Variants in BCAR3 observed in about 807,000 individuals in gnomAD.
The protein encoded by BCAR3 is breast cancer anti-estrogen resistance protein 3.
Under a neutral mutation model 80.1 loss-of-function variants are expected in BCAR3, and 37 were observed. That is an observed-to-expected ratio of 0.46 (90% CI 0.36 to 0.61). The LOEUF (loss-of-function observed/expected upper bound fraction) is 0.61. Ranked by LOEUF, BCAR3 falls within the 20% of genes least tolerant of loss-of-function variation. BCAR3 has a pLI of 0.00. For synonymous variants in BCAR3, 389 were observed against 418.9 expected, an observed-to-expected ratio of 0.93 and a Z score of 0.87; for missense variants, 978 against 1,068.2, an observed-to-expected ratio of 0.92 and a Z score of 1.18.
chr1:93,619,907 G>A (rs1432710752), intron 3 of BCAR3, among the ~76,000 whole-genome samples: 2 of 152,224 alleles, frequency 1.3e-5, no homozygotes, highest in African/African-American at 4.8e-5. Flanking sequence ...CTAGCTAGCT[G>A]GGTGACTTTG....
chr1:93,819,974 T>G (rs1443925167), intron 2 of BCAR3, among the ~76,000 whole-genome samples: 2 of 152,192 alleles, frequency 1.3e-5, no homozygotes, highest in Non-Finnish European at 2.9e-5. Flanking sequence ...TGTGTCCATG[T>G]GTACTCAATG....
chr1:93,680,904 T>G (rs1176242077), intron 1 of BCAR3, among the ~76,000 whole-genome samples: 1 of 152,118 alleles, frequency 6.6e-6, no homozygotes, highest in African/African-American at 2.4e-5. Flanking sequence ...GTAAGGACAG[T>G]TGGGCTGTAC....
chr1:93,826,603 C>T (rs557390654), intron 2 of BCAR3, among the ~76,000 whole-genome samples: 20 of 152,268 alleles, frequency 1.3e-4, no homozygotes, highest in African/African-American at 4.6e-4. Context: ...AGGTAGTTTA[C>T]ATTCCAGTGA....
chr1:93,717,332 ATTG>A (rs1485722755), intron 2 of BCAR3, among the ~76,000 whole-genome samples: 4 of 152,362 alleles, frequency 2.6e-5, no homozygotes, highest in Non-Finnish European at 4.4e-5. Context: ...AATTAAATAA[ATTG>A]TTGTTGCCTT....
At chr1:93,827,125 G>A (rs959109295) in intron 2 of BCAR3, among the ~76,000 whole-genome samples, 8 of 152,122 alleles carry the variant, frequency 5.3e-5, no homozygotes, top group African/African-American at 1.9e-4. Flanking sequence ...AACAAATAAA[G>A]AAATGAAAAC....
chr1:93,659,045 G>A (rs879736643), intron 2 of BCAR3, among the ~76,000 whole-genome samples: 5 of 152,154 alleles, frequency 3.3e-5, no homozygotes, highest in Non-Finnish European at 7.4e-5. Flanking sequence ...GGGGGCTTCC[G>A]CTCATTTGCA....
intron 3 of BCAR3, among the ~76,000 whole-genome samples, chr1:93,626,752 C>T (rs977472443): frequency 1.3e-5 from 2 of 152,146 alleles, no homozygotes; most frequent in Admixed American, 6.5e-5. Context: ...TATGGGCCCT[C>T]GAGTACATGT....
chr1:93,603,440 C>A (rs1170430838), intron 3 of BCAR3, among the ~76,000 whole-genome samples: 1 of 152,216 alleles, frequency 6.6e-6, no homozygotes, highest in African/African-American at 2.4e-5. Context: ...TACAGGCCAG[C>A]AGGGAGGGTC....
chr1:93,689,302 C>T (rs972649033), intron 3 of BCAR3, among the ~76,000 whole-genome samples: 9 of 152,204 alleles, frequency 5.9e-5, no homozygotes, highest in Admixed American at 3.3e-4. Flanking sequence ...GCCTGGCCAA[C>T]ATGGTGAAAT....
At chr1:93,697,342 C>T (rs888326942) in intron 3 of BCAR3, among the ~76,000 whole-genome samples, 2 of 152,208 alleles carry the variant, frequency 1.3e-5, no homozygotes, top group Non-Finnish European at 2.9e-5. Flanking sequence ...GGAGGGAGGG[C>T]GTAGCCCACT....
chr1:93,719,601 C>G (rs1323173465), intron 2 of BCAR3, among the ~76,000 whole-genome samples: 1 of 152,104 alleles, frequency 6.6e-6, no homozygotes, highest in African/African-American at 2.4e-5. Context: ...CTCGGCCTCC[C>G]AAAGTGCTGG....
At position 93,592,619 on chromosome 1, in the gene BCAR3, C is replaced by T; in HGVS notation, c.358-226G>A. ...ATGGGGACTATGGTAGGAGAGTCCA[C>T]CAAGAGGTTCCTTTTACCAGTCTAC... On this transcript the variant is annotated intron_variant, in intron 3 of 11. Transcript: ENST00000260502. The surrounding 1 kb of genome is among the most constrained non-coding windows in gnomAD (Gnocchi z 4.8). 2.1e-6 allele frequency: 1 copy of T among 467,724 alleles called. No homozygotes were observed. The allele number at this position is 467,724 out of a possible 1,614,324, so 29.0% of individuals were successfully genotyped here.
intron 2 of BCAR3, among the ~76,000 whole-genome samples, chr1:93,715,205 T>C (rs1367540323): frequency 6.6e-6 from 1 of 152,258 alleles, no homozygotes; most frequent in African/African-American, 2.4e-5. Flanking sequence ...CAAACACTGA[T>C]GTCTGGCAGT....
intron 2 of BCAR3, among the ~76,000 whole-genome samples, chr1:93,643,367 T>C (rs1302031464): frequency 2.7e-5 from 4 of 149,844 alleles, no homozygotes; most frequent in Admixed American, 6.7e-5. Flanking sequence ...TCTACTATAC[T>C]AAAAACACAA....
At chr1:93,716,234 C>T (rs544871644) in intron 2 of BCAR3, among the ~76,000 whole-genome samples, 58 of 152,286 alleles carry the variant, frequency 3.8e-4, no homozygotes, top group Non-Finnish European at 7.9e-4. Flanking sequence ...TAATTTTGCA[C>T]CATGTGTATG....
intron 2 of BCAR3, among the ~76,000 whole-genome samples, chr1:93,666,036 G>C (rs893542910): frequency 6.6e-6 from 1 of 152,116 alleles, no homozygotes; most frequent in Admixed American, 6.5e-5. Flanking sequence ...CCTGCTCCCT[G>C]TACTTTTACA....
chr1:93,568,770 C>CA (rs1673080058), intron 9 of BCAR3, among the ~76,000 whole-genome samples: 1 of 152,150 alleles, frequency 6.6e-6, no homozygotes, highest in Non-Finnish European at 1.5e-5. Flanking sequence ...TAAATTTCTG[C>CA]ATAATAGTCC....
At chr1:93,575,956 G>A in intron 8 of BCAR3, 58 bp downstream of exon 8, 2 of 1,485,218 alleles carry the variant, frequency 1.3e-6, no homozygotes, top group Non-Finnish European at 1.9e-6. Flanking sequence ...AAAACCTGCT[G>A]CTCTGATGCC....
intron 2 of BCAR3, among the ~76,000 whole-genome samples, chr1:93,730,303 C>G (rs1043359714): frequency 6.6e-6 from 1 of 152,118 alleles, no homozygotes; most frequent in Non-Finnish European, 1.5e-5. Context: ...CTGACAGTAC[C>G]TGGAACTTTC....
Sources: allele counts gnomAD v4.1 joint callset (sites outside exome capture counted in the v4.1 genomes callset), GRCh38; gene constraint gnomAD v4.1.1; non-coding constraint Gnocchi (gnomAD v3.1); transcripts MANE v1.5; gene names NCBI Gene and HGNC (gene_info 2026-07-23, HGNC 2026-07-21).